The following VAV1 variants were observed in gnomAD, a reference collection of about 807,000 sequenced individuals.
VAV1 encodes the protein vav guanine nucleotide exchange factor 1.
VAV1 carries 33 observed loss-of-function variants against 128.1 expected under a neutral mutation model. The observed-to-expected ratio is 0.26, with a 90% CI of 0.20 to 0.34. The LOEUF is 0.34. Among genes scored for constraint, VAV1 ranks in the 10% least tolerant of loss-of-function variants. VAV1 has a pLI of 1.00. For missense variants in VAV1, 715 were observed against 1,093.7 expected (o/e 0.65, Z 4.88); for synonymous variants, 394 against 409.8 (o/e 0.96, Z 0.47).
rs1971971114 is a variant in VAV1 at position 6,828,445 on chromosome 19, G to A, written c.1050G>A (p.Ala350=). ...AGCTGGTGAAACACACGCAGGAGGC[G>A]ATGGAGAAGGAGAACCTGCGGCTGG... ...LQELVKHTQE[A]MEKENLRLAL... is the part of the protein sequence containing the mutation. The change falls in exon 11 of 27, where the codon GCG becomes GCA. Residue 350 remains alanine, a synonymous_variant. Transcript: ENST00000602142. The surrounding 1 kb of genome is among the most constrained non-coding windows in gnomAD (Gnocchi z 4.5). 15 of 1,614,066 alleles carry A rather than the reference G, an allele frequency of 9.3e-6. No individual in the cohort carries two copies. The highest frequency in any genetic ancestry group is 1.3e-5 in the African/African-American group (1 of 74,930).
At chr19:6,815,239 C>G (rs1165283526) in intron 1 of VAV1, among the ~76,000 whole-genome samples, 1 of 152,088 alleles carries the variant, frequency 6.6e-6, no homozygotes, top group African/African-American at 2.4e-5. Flanking sequence ...CCTCTACCTC[C>G]TGGCCTCAAG....
At chr19:6,785,649 CTTTCTTTCTTTCT>C (rs1160220273) in intron 1 of VAV1, among the ~76,000 whole-genome samples, 1 of 132,388 alleles carries the variant, frequency 7.6e-6, no homozygotes, top group Non-Finnish European at 1.6e-5. Context: ...AGGTTTCTTT[CTTTCTTTCTTTCT>C]TTTTTTTTTT....
chr19:6,820,352 C>T lies in VAV1; in HGVS notation c.205-350C>T, dbSNP rs956469749. ...CTGGGCTCAGTGATCCACTCATCTC[C>T]GCCTCCTGAGTAGTTCAAAATGTTT... is the stretch of plus-strand genomic sequence containing the variant. On this transcript the variant is annotated intron_variant, in intron 1 of 26. Coordinates refer to ENST00000602142, the MANE Select transcript of VAV1 (RefSeq NM_005428.4). This position sits in a 1 kb window ranked among gnomAD's most constrained non-coding sequence, Gnocchi z 4.4. Among the ~76,000 whole-genome samples, 7 of 152,122 alleles carry T rather than the reference C, an allele frequency of 4.6e-5. No homozygotes were observed. Among genetic ancestry groups the T allele is most frequent in the South Asian group, 2.1e-4 (1 of 4,830 alleles).
chr19:6,780,632 C>T (rs190418959), intron 1 of VAV1, among the ~76,000 whole-genome samples: 47 of 145,534 alleles, frequency 3.2e-4, no homozygotes, highest in African/African-American at 1.1e-3. Flanking sequence ...AGTGCAATGA[C>T]GTGATCTCAG....
chr19:6,797,881 C>A (rs954256966), intron 1 of VAV1, among the ~76,000 whole-genome samples: 23 of 151,786 alleles, frequency 1.5e-4, no homozygotes, highest in Admixed American at 1.0e-3. Context: ...TGATAGTCAT[C>A]CTATGCACCT....
chr19:6,855,388 C>T (rs1438216569), intron 26 of VAV1, among the ~76,000 whole-genome samples: 1 of 152,018 alleles, frequency 6.6e-6, no homozygotes, highest in African/African-American at 2.4e-5. Flanking sequence ...ATCCATCCAT[C>T]CATCCATCCA....
intron 7 of VAV1, 83 bp downstream of exon 7, chr19:6,825,204 T>C (rs888237957): frequency 6.3e-7 from 1 of 1,576,606 alleles, no homozygotes; most frequent in South Asian, 1.1e-5. Context: ...AGTACGGGGG[T>C]TGGGAGTTGA....
intron 1 of VAV1, among the ~76,000 whole-genome samples, chr19:6,780,116 A>AATAATAATC (rs1970737395): frequency 1.8e-5 from 1 of 56,694 alleles, no homozygotes; most frequent in South Asian, 4.9e-4. Flanking sequence ...GTCTTAAAAT[A>AATAATAATC]ATAATAATAA....
intron 1 of VAV1, among the ~76,000 whole-genome samples, chr19:6,811,034 C>CTATT (rs1002791231): frequency 4.6e-4 from 70 of 152,028 alleles, no homozygotes; most frequent in Admixed American, 3.9e-3. Context: ...TTATTCATTT[C>CTATT]TATTTATTTA....
chr19:6,790,759 T>C (rs1482625093), intron 1 of VAV1, among the ~76,000 whole-genome samples: 2 of 152,208 alleles, frequency 1.3e-5, no homozygotes, highest in African/African-American at 4.8e-5. Flanking sequence ...GGCATATTTA[T>C]CCCGTTTTAA....
intron 13 of VAV1, among the ~76,000 whole-genome samples, 191 bp from the exon 14 acceptor site, chr19:6,829,595 A>G (rs1165767402): frequency 6.6e-6 from 1 of 152,050 alleles, no homozygotes; most frequent in Non-Finnish European, 1.5e-5. Flanking sequence ...GTATGGGTGG[A>G]GCGAAGACTG....
chr19:6,782,563 C>T (rs568259), intron 1 of VAV1, among the ~76,000 whole-genome samples: 32,995 of 151,926 alleles, frequency 0.22, 3,699 homozygotes, highest in African/African-American at 0.25. Flanking sequence ...AGTCAGGGTA[C>T]GTATGTTAAC....
In VAV1 at chr19:6,779,979, C is replaced by T. The variant is rs929488102; in HGVS notation, c.204+6968C>T. Among the ~76,000 whole-genome samples the T allele has an allele frequency of 6.0e-5, 9 of 148,912 alleles. 1 individual carries two copies. The South Asian group carries it at 8.7e-4, about 14-fold the overall frequency. On this transcript the variant is annotated intron_variant, in intron 1 of 26. Coordinates refer to ENST00000602142, the MANE Select transcript of VAV1 (RefSeq NM_005428.4). ...ACAAAAAATTAGCCGGGCGTGGTTGCGGGCGCCTGTAGTCCCAGCTACTCG... is the reference window on the plus strand; with the variant it reads ...ACAAAAAATTAGCCGGGCGTGGTTGTGGGCGCCTGTAGTCCCAGCTACTCG...
chr19:6,826,688 G>C lies in VAV1; in HGVS notation c.904G>C (p.Glu302Gln). ...KHLDRVAAAR[E>Q]DVQMKLEECS... ...CCTGGACCGTGTGGCCGCAGCCCGG[G>C]AGGACGTGCAGATGAAGCTGGAGGT... Residue 302 changes from glutamate to glutamine, a missense_variant, in exon 9 of 27, where the codon GAG (glutamate) becomes CAG (glutamine). By Grantham distance (29) the Glu-to-Gln change is conservative. This residue lies in a region of VAV1 where 302 missense variants were observed against 477.8 expected (regional missense o/e 0.63). Coordinates refer to ENST00000602142, the MANE Select transcript of VAV1 (RefSeq NM_005428.4). This position sits in a 1 kb window ranked among gnomAD's most constrained non-coding sequence, Gnocchi z 4.1. 1.9e-6 allele frequency: 3 copies of C among 1,556,232 alleles called. No homozygotes were observed. The highest frequency in any genetic ancestry group is 2.6e-6 in the Non-Finnish European group (3 of 1,153,052).
intron 25 of VAV1, among the ~76,000 whole-genome samples, 190 bp from the exon 26 acceptor site, chr19:6,853,757 A>G (rs1309513776): frequency 6.6e-6 from 1 of 151,972 alleles, no homozygotes; most frequent in East Asian, 1.9e-4. Flanking sequence ...GTTATTTTCT[A>G]AATTCAGACG....
At chr19:6,850,617 TG>T in intron 23 of VAV1, 52 bp from the exon 24 acceptor site, 1 of 1,575,458 alleles carries the variant, frequency 6.3e-7, no homozygotes, top group South Asian at 1.1e-5. Context: ...TGGGGCTTGG[TG>T]GGGAATGGGC....
At chr19:6,803,879 T>C (rs770258364) in intron 1 of VAV1, among the ~76,000 whole-genome samples, 1 of 152,088 alleles carries the variant, frequency 6.6e-6, no homozygotes, top group Non-Finnish European at 1.5e-5. Context: ...CAATGGAATA[T>C]TATTCAGCAC....
At chr19:6,855,377 CATCCATCCATCCATCCATCCATCT>C (rs1972766855) in intron 26 of VAV1, among the ~76,000 whole-genome samples, 1 of 151,782 alleles carries the variant, frequency 6.6e-6, no homozygotes, top group African/African-American at 2.4e-5. Context: ...GTAAAGGATT[CATCCATCCATCCATCCATCCATCT>C]ATCCATCCAT....
At chr19:6,804,929 T>G (rs919448015) in intron 1 of VAV1, among the ~76,000 whole-genome samples, 2 of 151,516 alleles carry the variant, frequency 1.3e-5, no homozygotes, top group Admixed American at 6.6e-5. Context: ...TTCACCATGT[T>G]AGCCAGGATG....
Sources: gnomAD v4.1 joint callset for allele counts (sites outside exome capture counted in the v4.1 genomes callset) on GRCh38, gnomAD v4.1.1 for gene constraint, gnomAD v4.1.1 regional missense constraint, Gnocchi (gnomAD v3.1) non-coding constraint, MANE v1.5 for transcripts, NCBI Gene and HGNC (gene_info 2026-07-23, HGNC 2026-07-21) for gene names.